MEGF10: variants seen among roughly 807,000 people sequenced by gnomAD.
The protein encoded by MEGF10 is multiple EGF like domains 10, also known as multiple epidermal growth factor-like domains protein 10.
MEGF10 carries 86 observed loss-of-function variants against 147.5 expected under a neutral mutation model. The ratio of observed to expected loss-of-function variants is 0.58; its 90% confidence interval spans 0.49 to 0.70. MEGF10 has a LOEUF of 0.70. Ranked by LOEUF, MEGF10 falls within the 30% of genes least tolerant of loss-of-function variation. MEGF10 has a pLI of 0.00. For synonymous variants in MEGF10, 478 were observed against 525.5 expected, an observed-to-expected ratio of 0.91 and a Z score of 1.24; for missense variants, 1,329 against 1,487.3, an observed-to-expected ratio of 0.89 and a Z score of 1.75.
chr5:127,242,043 C>T, the MEGF10 span, among the ~76,000 whole-genome samples: 3 of 152,034 alleles, frequency 2.0e-5, no homozygotes, highest in East Asian at 1.9e-4. Flanking sequence ...CAAAAGGTTA[C>T]GTACAGGGAG....
At chr5:127,404,861 G>A (rs995304738) in intron 8 of MEGF10, among the ~76,000 whole-genome samples, 1 of 151,894 alleles carries the variant, frequency 6.6e-6, no homozygotes, top group Non-Finnish European at 1.5e-5. Context: ...GATTACAGGC[G>A]CATGCTGCCA....
chr5:127,241,704 A>G, the MEGF10 span, among the ~76,000 whole-genome samples: 1 of 152,300 alleles, frequency 6.6e-6, no homozygotes, highest in East Asian at 1.9e-4. Context: ...GCTTCTGTGG[A>G]AAGTAGAGCT....
At chr5:127,372,099 T>A (rs772449709) in intron 5 of MEGF10, among the ~76,000 whole-genome samples, 6 of 152,230 alleles carry the variant, frequency 3.9e-5, no homozygotes, top group Admixed American at 3.9e-4. Flanking sequence ...TCTAGTAATA[T>A]GCTACTTAGC....
intron 1 of MEGF10, among the ~76,000 whole-genome samples, chr5:127,326,202 A>C (rs1761025516): frequency 6.6e-6 from 1 of 151,974 alleles, no homozygotes; most frequent in Non-Finnish European, 1.5e-5. Flanking sequence ...GGAGTGAGCC[A>C]CCGCACCTGG....
At chr5:127,403,645 T>C (rs1764214479) in intron 8 of MEGF10, among the ~76,000 whole-genome samples, 1 of 152,156 alleles carries the variant, frequency 6.6e-6, no homozygotes, top group Admixed American at 6.6e-5. Context: ...TGTCCATGAG[T>C]TCAATTGTTT....
chr5:127,331,804 T>G (rs893627817), intron 2 of MEGF10, among the ~76,000 whole-genome samples: 3 of 152,244 alleles, frequency 2.0e-5, no homozygotes, highest in Non-Finnish European at 4.4e-5. Flanking sequence ...GATAATATAC[T>G]AAAGTATTGA....
chr5:127,364,361 C>T (rs576456916), intron 4 of MEGF10, among the ~76,000 whole-genome samples: 1 of 152,288 alleles, frequency 6.6e-6, no homozygotes, highest in South Asian at 2.1e-4. Flanking sequence ...TAAATTGAGT[C>T]ATTCAATATG....
At chr5:127,308,871 AT>A (rs1317772681) in intron 1 of MEGF10, among the ~76,000 whole-genome samples, 1 of 152,212 alleles carries the variant, frequency 6.6e-6, no homozygotes, top group Non-Finnish European at 1.5e-5. Context: ...AATTAAAAAA[AT>A]AATAAAAATA....
chr5:127,307,456 G>A (rs1022246668), intron 1 of MEGF10, among the ~76,000 whole-genome samples: 7 of 152,180 alleles, frequency 4.6e-5, no homozygotes, highest in African/African-American at 1.7e-4. Context: ...GCTGCACACC[G>A]AATGGAAGTT....
chr5:127,446,978 G>A (rs1417359989), intron 20 of MEGF10, among the ~76,000 whole-genome samples: 1 of 152,110 alleles, frequency 6.6e-6, no homozygotes, highest in African/African-American at 2.4e-5. Flanking sequence ...TTAGGCCTAG[G>A]CAGCCACTCC....
chr5:127,397,984 A>G (rs1229013816), intron 6 of MEGF10, among the ~76,000 whole-genome samples: 1 of 144,780 alleles, frequency 6.9e-6, no homozygotes, highest in Non-Finnish European at 1.5e-5. Flanking sequence ...CAAACACCGC[A>G]TGTTCTCACT....
At chr5:127,387,592 A>G (rs1333620667) in intron 5 of MEGF10, among the ~76,000 whole-genome samples, 8 of 152,230 alleles carry the variant, frequency 5.3e-5, no homozygotes, top group Non-Finnish European at 1.0e-4. Context: ...TGGGGTGTTC[A>G]GCGTGGCATA....
intron 1 of MEGF10, among the ~76,000 whole-genome samples, chr5:127,324,948 T>C (rs994741253): frequency 6.6e-6 from 1 of 152,212 alleles, no homozygotes; most frequent in South Asian, 2.1e-4. Context: ...CCAGGTGTGA[T>C]GCTGAGGGCT....
At chr5:127,293,143 GTTCC>G (rs1759337222) in intron 1 of MEGF10, among the ~76,000 whole-genome samples, 1 of 152,202 alleles carries the variant, frequency 6.6e-6, no homozygotes, top group African/African-American at 2.4e-5. Context: ...AACCTCCAGT[GTTCC>G]TTCTGGCTCC....
intron 4 of MEGF10, among the ~76,000 whole-genome samples, chr5:127,364,523 T>C (rs1365326313): frequency 1.3e-5 from 2 of 152,338 alleles, no homozygotes; most frequent in African/African-American, 4.8e-5. Context: ...TCAGTGTACC[T>C]AGTGCATCAG....
the MEGF10 span, among the ~76,000 whole-genome samples, chr5:127,247,407 GAAGAAGAAGAA>G: frequency 4.6e-5 from 3 of 65,300 alleles, no homozygotes; most frequent in African/African-American, 1.7e-4. Context: ...AGAAGAAGAA[GAAGAAGAAGAA>G]GAAGAAGAAG....
At chr5:127,367,518 A>G (rs1762700838) in intron 4 of MEGF10, among the ~76,000 whole-genome samples, 1 of 152,170 alleles carries the variant, frequency 6.6e-6, no homozygotes, top group Non-Finnish European at 1.5e-5. Flanking sequence ...TTTCTTTAGT[A>G]TGAAGTTAAT....
chr5:127,281,420 G>A, the MEGF10 span, among the ~76,000 whole-genome samples: 29 of 152,178 alleles, frequency 1.9e-4, no homozygotes, highest in Admixed American at 3.9e-4. Context: ...CTCAGGAAGC[G>A]TCTGTGGCAT....
intron 5 of MEGF10, among the ~76,000 whole-genome samples, chr5:127,384,954 T>C (rs1352365256): frequency 6.6e-6 from 1 of 152,182 alleles, no homozygotes; most frequent in Non-Finnish European, 1.5e-5. Flanking sequence ...GCGCAAGGAA[T>C]GAAATCCCAG....
Sources: gnomAD v4.1 joint callset for allele counts (sites outside exome capture counted in the v4.1 genomes callset) on GRCh38, gnomAD v4.1.1 for gene constraint, MANE v1.5 for transcripts, NCBI Gene and HGNC (gene_info 2026-07-23, HGNC 2026-07-21) for gene names.